The following COL24A1 variants were observed in gnomAD, a reference collection of about 807,000 sequenced individuals.
COL24A1 encodes the protein collagen alpha-1(XXIV) chain.
COL24A1 carries 224 observed loss-of-function variants against 253.9 expected under a neutral mutation model. The observed-to-expected ratio is 0.88, with a 90% CI of 0.79 to 0.99. The LOEUF (loss-of-function observed/expected upper bound fraction) is 0.99. Among genes scored for constraint, COL24A1 ranks in the 50% least tolerant of loss-of-function variants. The pLI is 0.00. For missense variants in COL24A1, 2,131 were observed against 2,068.5 expected, an observed-to-expected ratio of 1.03 and a Z score of -0.59; for synonymous variants, 685 against 673.7, an observed-to-expected ratio of 1.02 and a Z score of -0.26.
At chr1:85,832,579 G>C (rs1675439242) in intron 43 of COL24A1, among the ~76,000 whole-genome samples, 1 of 150,494 alleles carries the variant, frequency 6.6e-6, no homozygotes, top group Non-Finnish European at 1.5e-5. Context: ...TCTTCCATTT[G>C]TTTGTATCCT....
At chr1:85,854,686 C>A (rs1678219254) in intron 37 of COL24A1, among the ~76,000 whole-genome samples, 1 of 150,936 alleles carries the variant, frequency 6.6e-6, no homozygotes, top group African/African-American at 2.4e-5. Flanking sequence ...TTTCACCTCC[C>A]TGGTTACTGT....
At chr1:85,827,397 T>G (rs1391252041) in intron 43 of COL24A1, among the ~76,000 whole-genome samples, 1 of 151,464 alleles carries the variant, frequency 6.6e-6, no homozygotes, top group South Asian at 2.1e-4. Flanking sequence ...CTTTTTTGGT[T>G]GTGTCTCTGC....
Position 85,932,167 on chromosome 1 carries a change from A to T in COL24A1, c.2563-20734T>A, listed in dbSNP as rs999570958. 2.1e-5 allele frequency among the ~76,000 whole-genome samples: 2 copies of T among 94,898 alleles called. 1 individual carries two copies. The highest frequency in any genetic ancestry group is 7.8e-5 in the African/African-American group (2 of 25,586). 62.3% of individuals were successfully genotyped at this position (94,898 alleles called of 152,430 possible). ...AACAGGCAACCTACAACATGGGAGA[A>T]AATTTTCGCAAGCTACTCATCTGAC... is the stretch of plus-strand genomic sequence containing the variant. On this transcript the variant is annotated intron_variant, in intron 24 of 59. Transcript: ENST00000370571.
intron 13 of COL24A1, among the ~76,000 whole-genome samples, chr1:86,033,084 A>T (rs1057313949): frequency 1.3e-5 from 2 of 152,176 alleles, no homozygotes; most frequent in African/African-American, 4.8e-5. Flanking sequence ...TATGCCTTGT[A>T]ACAAATGCAG....
intron 35 of COL24A1, among the ~76,000 whole-genome samples, 162 bp downstream of exon 35, chr1:85,874,487 G>A (rs1680902379): frequency 6.6e-6 from 1 of 152,132 alleles, no homozygotes; most frequent in African/African-American, 2.4e-5. Context: ...ATAGGGACAA[G>A]GTTTGGGATG....
intron 43 of COL24A1, among the ~76,000 whole-genome samples, chr1:85,833,466 A>G (rs554026238): frequency 4.6e-5 from 7 of 152,308 alleles, no homozygotes; most frequent in South Asian, 4.1e-4. Flanking sequence ...TCAGGAAACA[A>G]CAGGTGCTGG....
rs745659010 is a variant in COL24A1, at chr1:86,124,840, C to CT, written c.1491+4dup. The CT allele has an allele frequency of 6.8e-7, 1 of 1,472,802 alleles. No individual in the cohort carries two copies. Among genetic ancestry groups the CT allele is most frequent in the Non-Finnish European group, 9.0e-7 (1 of 1,112,950 alleles). 91.2% of individuals were successfully genotyped at this position (1,472,802 alleles called of 1,614,324 possible). Reference sequence around the variant, plus strand: ...TTAGGAGATATTAAAAAAAAAAAAACTTACGGGAGGTCCAGTGTCTCCTTT... The same window carrying CT: ...TTAGGAGATATTAAAAAAAAAAAAACTTTACGGGAGGTCCAGTGTCTCCTTT... On this transcript the variant is annotated splice_donor_region_variant and intron_variant, in intron 3 of 59. Transcript: ENST00000370571.
At chr1:85,804,229 CAA>C (rs1287894640) in intron 47 of COL24A1, among the ~76,000 whole-genome samples, 2 of 151,962 alleles carry the variant, frequency 1.3e-5, no homozygotes, top group Non-Finnish European at 2.9e-5. Context: ...TCTATAAAAA[CAA>C]AGGGATATGA....
intron 1 of COL24A1, among the ~76,000 whole-genome samples, chr1:86,149,946 T>A (rs980882506): frequency 6.6e-6 from 1 of 152,186 alleles, no homozygotes; most frequent in South Asian, 2.1e-4. Flanking sequence ...CCAAAACAAA[T>A]AGCGAACTGA....
At chr1:85,877,984 C>A (rs1478888022) in intron 32 of COL24A1, among the ~76,000 whole-genome samples, 1 of 152,092 alleles carries the variant, frequency 6.6e-6, no homozygotes, top group Non-Finnish European at 1.5e-5. Flanking sequence ...AGCATGTAAC[C>A]TTTTCATACT....
chr1:85,875,962 C>T lies in COL24A1; in HGVS notation c.3031-632G>A, dbSNP rs543834618. 5.7e-4 allele frequency among the ~76,000 whole-genome samples: 87 copies of T among 152,120 alleles called. 1 individual carries two copies. In the Middle Eastern group the frequency reaches 0.017, roughly 30 times the overall value. On this transcript the variant is annotated intron_variant, in intron 33 of 59. Transcript: ENST00000370571. Reference sequence around the variant, plus strand: ...CTTATTTATAAACATGCTATGTGTGCCCCTCCCTTCCCTTTAGGGAAGAGA... The same window carrying T: ...CTTATTTATAAACATGCTATGTGTGTCCCTCCCTTCCCTTTAGGGAAGAGA...
intron 43 of COL24A1, among the ~76,000 whole-genome samples, chr1:85,828,086 G>T (rs1674639722): frequency 6.6e-6 from 1 of 152,052 alleles, no homozygotes; most frequent in Non-Finnish European, 1.5e-5. Flanking sequence ...TCTACACACT[G>T]CTTTGAATGC....
intron 24 of COL24A1, among the ~76,000 whole-genome samples, chr1:85,944,791 T>A (rs541447062): frequency 6.6e-6 from 1 of 151,832 alleles, no homozygotes; most frequent in African/African-American, 2.4e-5. Flanking sequence ...ATGTTCCCCT[T>A]CCTGTGTCCA....
chr1:85,874,520 A>T, intron 35 of COL24A1, 129 bp downstream of exon 35: 1 of 821,638 alleles, frequency 1.2e-6, no homozygotes, highest in Non-Finnish European at 1.9e-6. Flanking sequence ...GTATGAAATG[A>T]AACCAAACAT....
At chr1:85,992,650 C>T (rs541836221) in intron 19 of COL24A1, among the ~76,000 whole-genome samples, 76 of 152,160 alleles carry the variant, frequency 5.0e-4, no homozygotes, top group African/African-American at 1.8e-3. Context: ...CTAAAAACTA[C>T]ATTAGCATGA....
At chr1:86,081,338 C>T (rs769895006) in intron 7 of COL24A1, among the ~76,000 whole-genome samples, 6 of 151,966 alleles carry the variant, frequency 3.9e-5, no homozygotes, top group Non-Finnish European at 7.4e-5. Context: ...AGTGTCACTT[C>T]CTCTGGAACA....
intron 2 of COL24A1, among the ~76,000 whole-genome samples, chr1:86,132,034 C>T (rs1254799443): frequency 2.0e-5 from 3 of 152,110 alleles, no homozygotes; most frequent in Non-Finnish European, 4.4e-5. Flanking sequence ...TTGTTGTTTC[C>T]TGACTTTTTA....
intron 3 of COL24A1, among the ~76,000 whole-genome samples, chr1:86,120,088 T>C (rs1706585430): frequency 6.6e-6 from 1 of 152,222 alleles, no homozygotes; most frequent in Non-Finnish European, 1.5e-5. Context: ...TGTCTAGCCA[T>C]ATGTAGAAAG....
At chr1:86,100,446 T>G (rs538571100) in intron 5 of COL24A1, among the ~76,000 whole-genome samples, 84 of 152,296 alleles carry the variant, frequency 5.5e-4, no homozygotes, top group Middle Eastern at 6.8e-3. Context: ...TTTACCATTT[T>G]TTAAAATAAT....
Sources: allele counts gnomAD v4.1 joint callset (sites outside exome capture counted in the v4.1 genomes callset), GRCh38; gene constraint gnomAD v4.1.1; transcripts MANE v1.5; gene names NCBI Gene and HGNC (gene_info 2026-07-23, HGNC 2026-07-21).